Variants in NTM observed in about 807,000 individuals in gnomAD.
The protein encoded by NTM is neurotrimin, also known as IgLON family member 2.
In NTM, 13 loss-of-function variants were observed where a neutral mutation model predicts 42.1. The observed-to-expected ratio is 0.31, with a 90% CI of 0.20 to 0.49. The LOEUF (loss-of-function observed/expected upper bound fraction) is 0.49. Ranked by LOEUF, NTM falls within the 20% of genes least tolerant of loss-of-function variation. NTM has a pLI of 0.99. For synonymous variants in NTM, 187 were observed against 179.2 expected (o/e 1.04, Z -0.35); for missense variants, 373 against 452.8 (o/e 0.82, Z 1.60).
At chr11:131,984,708 T>A (rs2065801051) in intron 2 of NTM, 1 of 152,220 alleles carries the variant, frequency 6.6e-6, no homozygotes, top group Admixed American at 6.5e-5. Flanking sequence ...ACACAAAAAC[T>A]GTCAAAAGTA....
At chr11:131,469,455 C>G (rs1222446844) in intron 1 of NTM, among the ~76,000 whole-genome samples, 1 of 152,156 alleles carries the variant, frequency 6.6e-6, no homozygotes, top group Non-Finnish European at 1.5e-5. Flanking sequence ...CAAGGTCATT[C>G]CCAGGATTTG....
intron 1 of NTM, among the ~76,000 whole-genome samples, chr11:131,830,405 C>T (rs1229523849): frequency 6.6e-6 from 1 of 152,166 alleles, no homozygotes; most frequent in South Asian, 2.1e-4. Flanking sequence ...GCTATTCCAA[C>T]ATGATTTATT....
intron 7 of NTM, among the ~76,000 whole-genome samples, chr11:132,323,176 A>G (rs1284550776): frequency 1.4e-5 from 2 of 145,394 alleles, no homozygotes; most frequent in Admixed American, 6.9e-5. Context: ...AAATAACTAA[A>G]ATCAGAGCAG....
intron 1 of NTM, among the ~76,000 whole-genome samples, chr11:131,741,175 G>C (rs1480663967): frequency 1.0e-5 from 1 of 99,160 alleles, no homozygotes; most frequent in Non-Finnish European, 2.3e-5. Flanking sequence ...GAGAGAGAGA[G>C]AGAGAGAGAG....
chr11:132,047,000 T>G (rs1183957018), intron 2 of NTM, among the ~76,000 whole-genome samples: 1 of 152,224 alleles, frequency 6.6e-6, no homozygotes, highest in African/African-American at 2.4e-5. Flanking sequence ...AATTTCAAAG[T>G]TAATCTCCGT....
At chr11:132,111,752 C>T (rs2063231201) in intron 2 of NTM, among the ~76,000 whole-genome samples, 1 of 152,208 alleles carries the variant, frequency 6.6e-6, no homozygotes, top group African/African-American at 2.4e-5. Context: ...CAAATGACTT[C>T]CTATCTAAAT....
chr11:132,288,150 G>A (rs1314398066), intron 4 of NTM, among the ~76,000 whole-genome samples: 1 of 152,202 alleles, frequency 6.6e-6, no homozygotes, highest in African/African-American at 2.4e-5. Flanking sequence ...GCATGGATGG[G>A]GGAATAGCCT....
chr11:131,771,505 G>A (rs2086097310), intron 1 of NTM: 1 of 152,180 alleles, frequency 6.6e-6, no homozygotes, highest in South Asian at 2.1e-4. Context: ...CCCAGTAGCA[G>A]CTTAAGGTTA....
chr11:131,601,952 G>A (rs1306720549), intron 1 of NTM, among the ~76,000 whole-genome samples: 2 of 152,048 alleles, frequency 1.3e-5, no homozygotes, highest in Non-Finnish European at 1.5e-5. Context: ...ACCTAAACAG[G>A]GTGCCATATG....
intron 2 of NTM, among the ~76,000 whole-genome samples, chr11:131,991,353 C>A (rs1031958813): frequency 6.6e-6 from 1 of 152,096 alleles, no homozygotes; most frequent in African/African-American, 2.4e-5. Context: ...TTACTGTAGT[C>A]CACTTTTCTA....
intron 4 of NTM, among the ~76,000 whole-genome samples, chr11:132,237,569 T>C (rs1265576040): frequency 6.6e-6 from 1 of 152,194 alleles, no homozygotes; most frequent in East Asian, 1.9e-4. Context: ...ACATTCTCAC[T>C]GCCTGACAAA....
chr11:131,736,013 A>T (rs926584916), intron 1 of NTM, among the ~76,000 whole-genome samples: 2 of 152,110 alleles, frequency 1.3e-5, no homozygotes, highest in African/African-American at 4.8e-5. Flanking sequence ...TTGTATTTTT[A>T]GTAGAGACAG....
chr11:131,694,225 A>G (rs968444551), intron 1 of NTM, among the ~76,000 whole-genome samples: 1 of 152,210 alleles, frequency 6.6e-6, no homozygotes, highest in African/African-American at 2.4e-5. Flanking sequence ...AGAATTGTTC[A>G]ATAAGGACCA....
chr11:131,541,693 A>C (rs1266710237), intron 1 of NTM, among the ~76,000 whole-genome samples: 3 of 152,260 alleles, frequency 2.0e-5, no homozygotes, highest in Non-Finnish European at 2.9e-5. Context: ...ATCAGAGTCT[A>C]TCATCTAAAA....
chr11:132,231,616 C>T (rs893765912), intron 4 of NTM, among the ~76,000 whole-genome samples: 1 of 152,060 alleles, frequency 6.6e-6, no homozygotes, highest in Non-Finnish European at 1.5e-5. Flanking sequence ...TCTAAAAGGG[C>T]ATTTTATTCA....
intron 1 of NTM, among the ~76,000 whole-genome samples, chr11:131,861,231 T>G (rs2046599895): frequency 6.6e-6 from 1 of 152,140 alleles, no homozygotes; most frequent in Admixed American, 6.5e-5. Context: ...ACCAAAATAT[T>G]AATAAAAAGA....
At chr11:131,404,246 AG>A (rs1420937030) in intron 1 of NTM, among the ~76,000 whole-genome samples, 1 of 152,094 alleles carries the variant, frequency 6.6e-6, no homozygotes, top group African/African-American at 2.4e-5. Flanking sequence ...ACTCTCATCA[AG>A]GTCATCAGCA....
At chr11:131,550,432 G>A (rs2054512100) in intron 1 of NTM, among the ~76,000 whole-genome samples, 1 of 152,170 alleles carries the variant, frequency 6.6e-6, no homozygotes, top group Admixed American at 6.5e-5. Flanking sequence ...GATCATAGAG[G>A]TGAATTTCCC....
At chr11:131,649,670 G>A (rs1476092533) in intron 1 of NTM, among the ~76,000 whole-genome samples, 2 of 152,150 alleles carry the variant, frequency 1.3e-5, no homozygotes, top group East Asian at 3.9e-4. Context: ...GTGTTTGGGT[G>A]GGGGGAGGCG....
Sources: allele counts gnomAD v4.1 joint callset (sites outside exome capture counted in the v4.1 genomes callset), GRCh38; gene constraint gnomAD v4.1.1; transcripts MANE v1.5; gene names NCBI Gene and HGNC (gene_info 2026-07-23, HGNC 2026-07-21).